Variants in MTARC2 observed in about 807,000 individuals in gnomAD.
MTARC2 encodes the protein mitochondrial amidoxime reducing component 2, also known as MOCO sulphurase C-terminal domain containing 2.
A neutral mutation model predicts 35.6 loss-of-function variants in MTARC2; 27 were observed. The ratio of observed to expected loss-of-function variants is 0.76; its 90% confidence interval spans 0.56 to 1.04. The LOEUF is 1.04. Among genes scored for constraint, MTARC2 ranks in the 50% least tolerant of loss-of-function variants. MTARC2 has a pLI of 0.00. For synonymous variants in MTARC2, 158 were observed against 167.1 expected, an observed-to-expected ratio of 0.95 and a Z score of 0.42; for missense variants, 412 against 432.5, an observed-to-expected ratio of 0.95 and a Z score of 0.42.
intron 4 of MTARC2, among the ~76,000 whole-genome samples, chr1:220,778,543 T>C (rs887260846): frequency 1.3e-5 from 2 of 152,210 alleles, no homozygotes; most frequent in African/African-American, 4.8e-5. Context: ...CATGATTGAA[T>C]TCTGTCCCGC....
chr1:220,764,559 G>A (rs1671530376), intron 4 of MTARC2, among the ~76,000 whole-genome samples: 2 of 152,150 alleles, frequency 1.3e-5, no homozygotes, highest in African/African-American at 4.8e-5. Flanking sequence ...GGCCGAAGCA[G>A]GAGGATTGCT....
At chr1:220,764,462 A>G (rs936891147) in intron 4 of MTARC2, among the ~76,000 whole-genome samples, 4 of 152,158 alleles carry the variant, frequency 2.6e-5, no homozygotes, top group African/African-American at 7.2e-5. Context: ...ACCATCGTAC[A>G]TGTAGGCACT....
Position 220,773,227 on chromosome 1 carries a change from A to G in MTARC2, c.751-6791A>G, listed in dbSNP as rs568109554. Among the ~76,000 whole-genome samples, 9 of 152,290 alleles carry G rather than the reference A, an allele frequency of 5.9e-5. No homozygotes were observed. In the East Asian group the frequency reaches 1.7e-3, roughly 29 times the overall value. ...TCAGTCACCAATGGCCAATGATTTT[A>G]TCAATCATTTACATGAAATGAAACC... On this transcript the variant is annotated intron_variant, in intron 4 of 7. Coordinates refer to ENST00000366913, the MANE Select transcript of MTARC2 (RefSeq NM_017898.5).
At chr1:220,778,247 C>CAAAAAAAA (rs60336134) in intron 4 of MTARC2, among the ~76,000 whole-genome samples, 2 of 97,326 alleles carry the variant, frequency 2.1e-5, no homozygotes, top group African/African-American at 7.8e-5. Flanking sequence ...GACTCTGTCT[C>CAAAAAAAA]AAAAAAAAAA....
chr1:220,778,388 C>T (rs1042761810), intron 4 of MTARC2, among the ~76,000 whole-genome samples: 5 of 152,258 alleles, frequency 3.3e-5, no homozygotes, highest in Non-Finnish European at 5.9e-5. Context: ...GGGGGTCCAG[C>T]TTCCTACATG....
intron 6 of MTARC2, 53 bp downstream of exon 6, chr1:220,780,292 TACC>T: frequency 6.7e-7 from 1 of 1,491,216 alleles, no homozygotes; most frequent in Admixed American, 1.9e-5. Flanking sequence ...ACCCCAGAAC[TACC>T]TATGGGTTTA....
chr1:220,781,926 T>C lies in MTARC2; in HGVS notation c.*25T>C, dbSNP rs1572322972. On this transcript the variant is annotated 3_prime_UTR_variant, in exon 7 of 8. Transcript: ENST00000366913. Reference sequence around the variant, plus strand: ...GTGATGAGTGATGGATCCACTAGGGTGATATGGTAAAGGGTCAGCTTTGCT... The same window carrying C: ...GTGATGAGTGATGGATCCACTAGGGCGATATGGTAAAGGGTCAGCTTTGCT... 2 of 1,611,036 alleles carry C rather than the reference T, an allele frequency of 1.2e-6. No homozygotes were observed. Among genetic ancestry groups the C allele is most frequent in the Non-Finnish European group, 1.7e-6 (2 of 1,178,314 alleles).
In MTARC2 at chr1:220,761,675, T is replaced by A; in HGVS notation, c.464T>A (p.Ile155Asn). ...LHNCRIFGLD[I>N]KGRDCGNEAA... Reference sequence around the variant, plus strand: ...CTTTCCAGGATATTTGGCCTTGACATTAAAGGCAGAGACTGTGGCAATGAG... The same window carrying A: ...CTTTCCAGGATATTTGGCCTTGACAATAAAGGCAGAGACTGTGGCAATGAG... Residue 155 changes from isoleucine (I) to asparagine (N), a missense_variant, in exon 3 of 8, where the codon ATT (isoleucine) becomes AAT (asparagine). Coordinates refer to ENST00000366913, the MANE Select transcript of MTARC2 (RefSeq NM_017898.5). 6.2e-7 allele frequency: 1 copy of A among 1,612,838 alleles called. No homozygotes were observed. The highest frequency in any genetic ancestry group is 8.5e-7 in the Non-Finnish European group (1 of 1,179,696).
intron 2 of MTARC2, among the ~76,000 whole-genome samples, chr1:220,758,564 CAT>C: frequency 6.6e-6 from 1 of 152,176 alleles, no homozygotes; most frequent in East Asian, 1.9e-4. Flanking sequence ...GGACTACAGG[CAT>C]GCACCACCAC....
At chr1:220,782,700 C>A (rs2102575523) in intron 7 of MTARC2, among the ~76,000 whole-genome samples, 1 of 152,154 alleles carries the variant, frequency 6.6e-6, no homozygotes, top group East Asian at 1.9e-4. Flanking sequence ...GTCTTGACAC[C>A]CACAACCTGA....
At chr1:220,754,847 C>T (rs977784327) in intron 1 of MTARC2, 100 bp from the exon 2 acceptor site, 11 of 1,106,734 alleles carry the variant, frequency 9.9e-6, no homozygotes, top group East Asian at 2.4e-5. Flanking sequence ...GGTCCCAAGA[C>T]GGGGTGGGTG....
At chr1:220,777,873 A>G (rs1043970823) in intron 4 of MTARC2, among the ~76,000 whole-genome samples, 1 of 152,188 alleles carries the variant, frequency 6.6e-6, no homozygotes, top group Non-Finnish European at 1.5e-5. Context: ...AAAAGTTGTA[A>G]TCTGTCTGGA....
At chr1:220,777,589 T>C (rs182803647) in intron 4 of MTARC2, among the ~76,000 whole-genome samples, 3 of 152,286 alleles carry the variant, frequency 2.0e-5, no homozygotes, top group African/African-American at 7.2e-5. Flanking sequence ...TCACAGTCTA[T>C]GTTGTTGATT....
At chr1:220,760,149 A>C (rs562193590) in intron 2 of MTARC2, among the ~76,000 whole-genome samples, 1 of 152,184 alleles carries the variant, frequency 6.6e-6, no homozygotes, top group African/African-American at 2.4e-5. Flanking sequence ...TACAGAGGAA[A>C]GGCTTTTGTC....
Position 220,761,637 on chromosome 1 carries a change from GT to G in MTARC2, c.447-19del. Reference sequence around the variant, plus strand: ...TATTGATATAAGTAAGTAACCTGGTGTTCTTTTGTGACCTTTCCAGGATATT... The same window carrying G: ...TATTGATATAAGTAAGTAACCTGGTGTCTTTTGTGACCTTTCCAGGATATT... On this transcript the variant is annotated intron_variant, in intron 2 of 7. Coordinates refer to ENST00000366913, the MANE Select transcript of MTARC2 (RefSeq NM_017898.5). The G allele has an allele frequency of 1.2e-6, 2 of 1,600,694 alleles. No individual in the cohort carries two copies. The highest frequency in any genetic ancestry group is 1.7e-6 in the Non-Finnish European group (2 of 1,175,266).
intron 4 of MTARC2, among the ~76,000 whole-genome samples, chr1:220,775,882 A>G (rs578243467): frequency 1.1e-4 from 16 of 152,336 alleles, no homozygotes; most frequent in African/African-American, 3.8e-4. Flanking sequence ...GCTGCATAGT[A>G]TTCCATGGTG....
At chr1:220,778,990 C>T (rs541970344) in intron 4 of MTARC2, among the ~76,000 whole-genome samples, 1 of 152,330 alleles carries the variant, frequency 6.6e-6, no homozygotes, top group Admixed American at 6.5e-5. Context: ...ACTCTAATTG[C>T]ATCTTCATTT....
intron 1 of MTARC2, among the ~76,000 whole-genome samples, chr1:220,753,437 GT>G (rs1159354320): frequency 1.3e-5 from 2 of 152,190 alleles, no homozygotes; most frequent in Non-Finnish European, 2.9e-5. Context: ...GGAAGGGACA[GT>G]TTAGCCAGCA....
In MTARC2 at chr1:220,762,243, C is replaced by T. The variant is rs749126345; in HGVS notation, c.609+423C>T. On this transcript the variant is annotated intron_variant, in intron 3 of 7. Coordinates refer to ENST00000366913, the MANE Select transcript of MTARC2 (RefSeq NM_017898.5). ...GACATGTGCTTATTTCAGGTGCTGG[C>T]GAGGCGCCTCCCCCTAAGGAAAACT... Among the ~76,000 whole-genome samples, 11 of 152,246 alleles carry T rather than the reference C, an allele frequency of 7.2e-5. No homozygotes were observed. The South Asian group carries it at 1.5e-3, about 20-fold the overall frequency.
Sources: allele counts gnomAD v4.1 joint callset (sites outside exome capture counted in the v4.1 genomes callset), GRCh38; gene constraint gnomAD v4.1.1; transcripts MANE v1.5; gene names NCBI Gene and HGNC (gene_info 2026-07-23, HGNC 2026-07-21).